Variants in ART3 observed in about 807,000 individuals in gnomAD.
The protein encoded by ART3 is ADP-ribosyltransferase 3 (inactive), also known as ecto-ADP-ribosyltransferase 3.
ART3 carries 49 observed loss-of-function variants against 48.5 expected under a neutral mutation model. That is an observed-to-expected ratio of 1.01 (90% CI 0.80 to 1.28). ART3 has a LOEUF of 1.28. Among genes scored for constraint, ART3 ranks in the 50% most tolerant of loss-of-function variants. The pLI is 0.00. For missense variants in ART3, 438 were observed against 454.3 expected, an observed-to-expected ratio of 0.96 and a Z score of 0.33; for synonymous variants, 145 against 157.2, an observed-to-expected ratio of 0.92 and a Z score of 0.58.
chr4:76,035,136 C>G (rs199822904), intron 1 of ART3: 151 of 1,613,032 alleles, frequency 9.4e-5, no homozygotes, highest in Non-Finnish European at 1.2e-4. Flanking sequence ...AAAGAACATA[C>G]AAGAGTCTTA....
chr4:76,079,071 A>C (rs1318475509), intron 2 of ART3, among the ~76,000 whole-genome samples: 1 of 151,298 alleles, frequency 6.6e-6, no homozygotes, highest in Non-Finnish European at 1.5e-5. Flanking sequence ...GCAGAGCGAG[A>C]CTCCGTCTAA....
At chr4:76,056,649 C>T (rs897594123) in intron 1 of ART3, among the ~76,000 whole-genome samples, 1 of 152,022 alleles carries the variant, frequency 6.6e-6, no homozygotes, top group African/African-American at 2.4e-5. Context: ...TCCTGTTGCC[C>T]ATCAGGCTGA....
At chr4:76,033,398 A>G (rs890909633) in intron 1 of ART3, among the ~76,000 whole-genome samples, 1 of 152,224 alleles carries the variant, frequency 6.6e-6, no homozygotes, top group Non-Finnish European at 1.5e-5. Flanking sequence ...GGGTAGAAAC[A>G]GCATGGCTGA....
intron 3 of ART3, among the ~76,000 whole-genome samples, chr4:76,087,332 G>A (rs534065103): frequency 6.6e-6 from 1 of 152,292 alleles, no homozygotes; most frequent in South Asian, 2.1e-4. Flanking sequence ...TTGTACTCGA[G>A]TGTGTTGATT....
At chr4:76,018,688 AT>A (rs1222663857) in intron 1 of ART3, among the ~76,000 whole-genome samples, 1 of 152,222 alleles carries the variant, frequency 6.6e-6, no homozygotes, top group African/African-American at 2.4e-5. Context: ...AGTTTACTGT[AT>A]TTTACATTGC....
At chr4:76,054,887 T>C (rs1718532305) in intron 1 of ART3, among the ~76,000 whole-genome samples, 1 of 152,246 alleles carries the variant, frequency 6.6e-6, no homozygotes, top group East Asian at 1.9e-4. Context: ...TACATTGTGC[T>C]GAATGCTATT....
In ART3 at chr4:76,097,629, A is replaced by C. The variant is rs1405336314; in HGVS notation, c.782-15A>C. 1.0e-5 allele frequency: 16 copies of C among 1,600,500 alleles called. No individual in the cohort carries two copies. The highest frequency in any genetic ancestry group is 1.4e-5 in the Non-Finnish European group (16 of 1,167,886). On this transcript the variant is annotated splice_polypyrimidine_tract_variant and intron_variant, in intron 3 of 11. Transcript: ENST00000355810. ...TATTATGTCTAACTAATAAAGCTTT[A>C]TCTTTGTGTTTCAGGACTAAAAACC...
intron 1 of ART3, among the ~76,000 whole-genome samples, chr4:76,017,644 A>T (rs1341809176): frequency 6.6e-6 from 1 of 152,152 alleles, no homozygotes; most frequent in Non-Finnish European, 1.5e-5. Context: ...GCTCTTCAGC[A>T]CAGCACTAGG....
intron 3 of ART3, among the ~76,000 whole-genome samples, chr4:76,095,811 C>CT (rs1489319000): frequency 1.3e-5 from 2 of 152,224 alleles, no homozygotes; most frequent in African/African-American, 4.8e-5. Flanking sequence ...CAGGCTGCAC[C>CT]TTTCAACTTA....
chr4:76,096,430 CT>C (rs2149647439), intron 3 of ART3, among the ~76,000 whole-genome samples: 1 of 152,230 alleles, frequency 6.6e-6, no homozygotes, highest in East Asian at 1.9e-4. Context: ...AAGTATATAT[CT>C]TTTTTAGGAG....
chr4:76,090,062 A>G (rs1578515760), intron 3 of ART3, among the ~76,000 whole-genome samples: 1 of 152,286 alleles, frequency 6.6e-6, no homozygotes, highest in East Asian at 1.9e-4. Flanking sequence ...CCTGGGTGAC[A>G]AGAGTGAAAC....
At chr4:76,089,909 G>A (rs534210583) in intron 3 of ART3, among the ~76,000 whole-genome samples, 4 of 152,014 alleles carry the variant, frequency 2.6e-5, no homozygotes, top group African/African-American at 4.8e-5. Flanking sequence ...GTGAAACCCC[G>A]TCTCTACTAA....
At chr4:76,082,702 G>A (rs1016074313) in intron 3 of ART3, among the ~76,000 whole-genome samples, 167 bp downstream of exon 3, 1 of 152,004 alleles carries the variant, frequency 6.6e-6, no homozygotes, top group Non-Finnish European at 1.5e-5. Context: ...TATGAAAATT[G>A]TACATTTACA....
In ART3 at chr4:76,013,158, G is replaced by A. The variant is rs556380096; in HGVS notation, c.-10+1838G>A. Among the ~76,000 whole-genome samples the A allele has an allele frequency of 2.2e-4, 33 of 152,334 alleles. No homozygotes were observed. In the South Asian group the frequency reaches 5.6e-3, roughly 26 times the overall value. ...ACAACCCTGGCTGATGGGTTCAGAC[G>A]CAGCTGTCTGAGTTAGGTCTGAAAA... On this transcript the variant is annotated intron_variant, in intron 1 of 9. Coordinates refer to the ART3 transcript ENST00000341029.
At chr4:76,030,016 ACT>A (rs1323365756) in intron 1 of ART3, among the ~76,000 whole-genome samples, 1 of 152,054 alleles carries the variant, frequency 6.6e-6, no homozygotes, top group Non-Finnish European at 1.5e-5. Context: ...TTAAATTCAG[ACT>A]CAAATCCTTA....
intron 1 of ART3, among the ~76,000 whole-genome samples, chr4:76,030,412 A>G (rs1405642148): frequency 6.6e-6 from 1 of 152,222 alleles, no homozygotes; most frequent in Non-Finnish European, 1.5e-5. Context: ...TGTACAGTGT[A>G]CTTGTCATTA....
chr4:76,081,299 G>T (rs1222777157), intron 2 of ART3, among the ~76,000 whole-genome samples: 1 of 152,200 alleles, frequency 6.6e-6, no homozygotes, highest in Non-Finnish European at 1.5e-5. Context: ...AGCTCTGATT[G>T]CTAGACTTTA....
chr4:76,092,458 T>G (rs1400454647), intron 3 of ART3, among the ~76,000 whole-genome samples: 1 of 152,218 alleles, frequency 6.6e-6, no homozygotes, highest in Non-Finnish European at 1.5e-5. Flanking sequence ...ACTGTTCCTC[T>G]GTTGTTTTAC....
chr4:76,043,432 C>T (rs1560592089), intron 1 of ART3, among the ~76,000 whole-genome samples: 1 of 152,076 alleles, frequency 6.6e-6, no homozygotes, highest in Non-Finnish European at 1.5e-5. Context: ...GGTCCCGAGC[C>T]CTGCCCTGTA....
Sources: gnomAD v4.1 joint callset for allele counts (sites outside exome capture counted in the v4.1 genomes callset) on GRCh38, gnomAD v4.1.1 for gene constraint, MANE v1.5 for transcripts, NCBI Gene and HGNC (gene_info 2026-07-23, HGNC 2026-07-21) for gene names.